Variants in B4GALT2 observed in about 807,000 individuals in gnomAD.
The protein encoded by B4GALT2 is beta-1,4-galactosyltransferase 2.
B4GALT2 carries 18 observed loss-of-function variants against 33.2 expected under a neutral mutation model. The ratio of observed to expected loss-of-function variants is 0.54; its 90% CI spans 0.38 to 0.80. B4GALT2 has a LOEUF of 0.80. Ranked by LOEUF, B4GALT2 falls within the 30% of genes least tolerant of loss-of-function variation. The pLI is 0.00. For missense variants in B4GALT2, 404 were observed against 526.2 expected (o/e 0.77, Z 2.27); for synonymous variants, 214 against 217.6 (o/e 0.98, Z 0.15).
chr1:43,984,401 G>T lies in B4GALT2; in HGVS notation c.550-464G>T, dbSNP rs533083505. Among the ~76,000 whole-genome samples, 2 of 152,256 alleles carry T rather than the reference G, an allele frequency of 1.3e-5. No homozygotes were observed. The highest frequency in any genetic ancestry group is 4.8e-5 in the African/African-American group (2 of 41,470). ...TCCCCGCTAGCACAAAGGAGAGAGC[G>T]CCACAGGGCATGTTTGAATGAGTGA... On this transcript the variant is annotated intron_variant, in intron 3 of 6. Transcript: ENST00000372324. The surrounding 1 kb of genome is among the most constrained non-coding windows in gnomAD (Gnocchi z 5.6).
intron 6 of B4GALT2, among the ~76,000 whole-genome samples, chr1:43,988,184 A>G (rs115327241): frequency 0.021 from 3,157 of 152,178 alleles, 120 homozygotes; most frequent in African/African-American, 0.072. Flanking sequence ...TTGCGCTTGA[A>G]GTGCCTGTGG....
In B4GALT2 at chr1:43,979,416, G is replaced by A. The variant is rs2085568818; in HGVS notation, c.-148G>A. On this transcript the variant is annotated 5_prime_UTR_variant, in exon 1 of 7. Transcript: ENST00000372324. The surrounding 1 kb of genome is among the most constrained non-coding windows in gnomAD (Gnocchi z 4.8). The stretch of plus-strand genomic sequence containing the variant: ...GCTGACCGGGCGGCGGGAGGCGGCG[G>A]GGCCGGGCCATGGGGGACGGAACCG... The A allele has an allele frequency of 6.6e-6, 1 of 150,448 alleles. No individual in the cohort carries two copies. Among genetic ancestry groups the A allele is most frequent in the Admixed American group, 6.6e-5 (1 of 15,050 alleles). 9.3% of individuals were successfully genotyped at this position (150,448 alleles called of 1,614,324 possible).
intron 6 of B4GALT2, 38 bp from the exon 7 acceptor site, chr1:43,990,260 T>C (rs1289174156): frequency 6.2e-7 from 1 of 1,607,064 alleles, no homozygotes; most frequent in Admixed American, 1.7e-5. Context: ...TAGTTTACAG[T>C]TGTTAGCCCT....
At chr1:43,980,858 TG>T (rs1214158809) in intron 1 of B4GALT2, among the ~76,000 whole-genome samples, 1 of 151,986 alleles carries the variant, frequency 6.6e-6, no homozygotes, top group East Asian at 1.9e-4. Context: ...TGTGTGTCAG[TG>T]AGGTGGAGGA....
chr1:43,980,077 C>T (rs2085577776), intron 1 of B4GALT2: 16 of 1,472,252 alleles, frequency 1.1e-5, no homozygotes, highest in Non-Finnish European at 1.3e-5. Flanking sequence ...GTTACTGTCA[C>T]CCGGGTGTGT....
chr1:43,985,890 A>C, intron 6 of B4GALT2: 1 of 533,686 alleles, frequency 1.9e-6, no homozygotes, highest in Non-Finnish European at 3.4e-6. Context: ...AGGTGACCAG[A>C]ATTTAATGTC....
intron 6 of B4GALT2, among the ~76,000 whole-genome samples, chr1:43,987,529 AC>A (rs1413020354): frequency 1.3e-5 from 2 of 151,878 alleles, no homozygotes; most frequent in Non-Finnish European, 2.9e-5. Context: ...ACATATCCAA[AC>A]CCATCAGCGA....
intron 6 of B4GALT2, among the ~76,000 whole-genome samples, chr1:43,987,580 T>C (rs1461137431): frequency 6.6e-6 from 1 of 152,174 alleles, no homozygotes; most frequent in Non-Finnish European, 1.5e-5. Flanking sequence ...TTGAGTCCAT[T>C]TGCTTTCCCC....
chr1:43,990,839 G>T lies in B4GALT2; in HGVS notation c.*391G>T. ...CTGGAAGGGTGGGAGGTATGTCTAG[G>T]GGGCAGTGTCTCTTCCAGGGGGAAT... On this transcript the variant is annotated 3_prime_UTR_variant, in exon 7 of 7. Transcript: ENST00000372324. The T allele has an allele frequency of 4.6e-6, 1 of 217,830 alleles. No homozygotes were observed. The highest frequency in any genetic ancestry group is 9.4e-6 in the Non-Finnish European group (1 of 106,580). 13.5% of individuals were successfully genotyped at this position (217,830 alleles called of 1,614,324 possible).
At chr1:43,985,194 G>A in intron 4 of B4GALT2, 84 bp from the exon 5 acceptor site, 1 of 1,564,766 alleles carries the variant, frequency 6.4e-7, no homozygotes, top group Middle Eastern at 1.8e-4. Context: ...GGACCCCATT[G>A]GACATTCCCC....
chr1:43,984,988 C>A lies in B4GALT2; in HGVS notation c.673C>A (p.Arg225Ser), dbSNP rs755485424. 1 of 1,613,844 alleles carries A rather than the reference C, an allele frequency of 6.2e-7. No individual in the cohort carries two copies. The highest frequency in any genetic ancestry group is 2.2e-5 in the East Asian group (1 of 44,876). Residue 225 changes from arginine to serine, a missense_variant, in exon 4 of 7, where the codon CGC becomes AGC. By Grantham distance (110) the Arg-to-Ser change is moderately radical (BLOSUM62 -1). Transcript: ENST00000372324. This position sits in a 1 kb window ranked among gnomAD's most constrained non-coding sequence, Gnocchi z 5.6. The part of the protein sequence containing the change: ...SDVDLVPMDD[R>S]NLYRCGDQPR... ...TGTGGACCTGGTCCCCATGGATGAC[C>A]GCAACCTATACCGCTGCGGCGACCA...
Position 43,981,354 on chromosome 1 carries a change from G to GCAA in B4GALT2, c.196_198dup (p.Asn66dup), listed in dbSNP as rs1325673765. The stretch of plus-strand genomic sequence containing the variant: ...GCTGCTAGCAGCAGCAGCAGCAGCA[G>GCAA]CAACTGCTCCCGGCCCAACGCCACC... On this transcript the variant is annotated inframe_insertion, in exon 2 of 7. Coordinates refer to ENST00000372324, the MANE Select transcript of B4GALT2 (RefSeq NM_003780.5). This position sits in a 1 kb window ranked among gnomAD's most constrained non-coding sequence, Gnocchi z 8.1. The GCAA allele has an allele frequency of 1.3e-6, 2 of 1,599,680 alleles. No homozygotes were observed. Among genetic ancestry groups the GCAA allele is most frequent in the African/African-American group, 2.7e-5 (2 of 74,910 alleles).
intron 6 of B4GALT2, chr1:43,986,290 C>T (rs141460154): frequency 2.0e-5 from 3 of 152,404 alleles, no homozygotes; most frequent in Non-Finnish European, 4.4e-5. Context: ...AAGTTCATTC[C>T]AGGCAGGGAG....
rs1187963034 is a variant in B4GALT2, at chr1:43,985,619, G to T, written c.966G>T (p.Gln322His). ...DRDKHNEPNP[Q>H]RFTKIQNTKL... ...ACAAGCATAACGAACCTAACCCTCA[G>T]AGGTGACCCCAGCACCCTCACCCCT... The change falls in exon 6 of 7, where the codon CAG (glutamine) becomes CAT (histidine). Residue 322 changes from glutamine to histidine, a missense_variant and splice_region_variant. By Grantham distance (24) the Gln-to-His change is conservative. Transcript: ENST00000372324. The T allele has an allele frequency of 6.2e-7, 1 of 1,613,834 alleles. No homozygotes were observed. Among genetic ancestry groups the T allele is most frequent in the Non-Finnish European group, 8.5e-7 (1 of 1,179,924 alleles).
rs1269547680 is a variant in B4GALT2 at position 43,984,011 on chromosome 1, C to T, written c.550-854C>T. Among the ~76,000 whole-genome samples the T allele has an allele frequency of 1.3e-5, 2 of 152,196 alleles. No homozygotes were observed. On this transcript the variant is annotated intron_variant, in intron 3 of 6. Transcript: ENST00000372324. The surrounding 1 kb of genome is among the most constrained non-coding windows in gnomAD (Gnocchi z 5.6). ...AACCTTTCTGGTTCTAGCCTGGAGA[C>T]TGCAGGTTGGGGCAGGGGCTCAGGG...
In B4GALT2 at chr1:43,981,863, ACTAT is replaced by A. The variant is rs750922901; in HGVS notation, c.492_495del (p.Leu165ThrfsTer4). ...GAACACCACCTGCGCTACTGGCTCC[ACTAT>A]CTACACCCCATCTTGAGGCGGCAGC... On this transcript the variant is annotated frameshift_variant, in exon 3 of 7. Transcript: ENST00000372324. LOFTEE classifies it high-confidence loss of function. The surrounding 1 kb of genome is among the most constrained non-coding windows in gnomAD (Gnocchi z 8.1). 6.2e-7 allele frequency: 1 copy of A among 1,609,326 alleles called. No individual in the cohort carries two copies. The highest frequency in any genetic ancestry group is 1.1e-5 in the South Asian group (1 of 90,348).
Position 43,985,391 on chromosome 1 carries a change from T to G in B4GALT2, c.854T>G (p.Ile285Ser). The G allele has an allele frequency of 6.7e-7, 1 of 1,503,276 alleles. No individual in the cohort carries two copies. The highest frequency in any genetic ancestry group is 9.0e-7 in the Non-Finnish European group (1 of 1,114,348). The allele number at this position is 1,503,276 out of a possible 1,614,324, so 93.1% of individuals were successfully genotyped here. The part of the protein sequence containing the change: ...YWGWGGEDDD[I>S]FNRISLTGMK... ...GGCTGGGGTGGCGAGGATGATGACA[T>G]CTTCAACCGGTGAGTAAGCACGCGG... The change falls in exon 5 of 7, where the codon ATC becomes AGC. Residue 285 changes from isoleucine (I) to serine (S), a missense_variant. Coordinates refer to ENST00000372324, the MANE Select transcript of B4GALT2 (RefSeq NM_003780.5).
intron 6 of B4GALT2, among the ~76,000 whole-genome samples, chr1:43,987,777 C>G (rs1463459832): frequency 2.6e-5 from 4 of 152,196 alleles, no homozygotes; most frequent in Non-Finnish European, 5.9e-5. Flanking sequence ...CCTGCCCTTG[C>G]ACGGTGTACT....
Position 43,981,571 on chromosome 1 carries a change from G to C in B4GALT2, c.313+98G>C. The C allele has an allele frequency of 1.3e-6, 2 of 1,527,006 alleles. No individual in the cohort carries two copies. The highest frequency in any genetic ancestry group is 1.8e-6 in the Non-Finnish European group (2 of 1,136,278). The allele number at this position is 1,527,006 out of a possible 1,614,324, so 94.6% of individuals were successfully genotyped here. On this transcript the variant is annotated intron_variant, in intron 2 of 6. Coordinates refer to ENST00000372324, the MANE Select transcript of B4GALT2 (RefSeq NM_003780.5). The surrounding 1 kb of genome is among the most constrained non-coding windows in gnomAD (Gnocchi z 8.1). ...GACCCAGGGGTGTGCCAGGGGTCCA[G>C]GTCTGTTGTAAGAGGGCTATTCTTG...
Sources: gnomAD v4.1 joint callset for allele counts (sites outside exome capture counted in the v4.1 genomes callset) on GRCh38, gnomAD v4.1.1 for gene constraint, Gnocchi (gnomAD v3.1) non-coding constraint, MANE v1.5 for transcripts, NCBI Gene and HGNC (gene_info 2026-07-23, HGNC 2026-07-21) for gene names.